Variants in DLGAP1 observed in about 807,000 individuals in gnomAD.
The protein encoded by DLGAP1 is disks large-associated protein 1.
DLGAP1 carries 11 observed loss-of-function variants against 90.8 expected under a neutral mutation model. That is an observed-to-expected ratio of 0.12 (90% CI 0.08 to 0.20). The LOEUF is 0.20. Ranked by LOEUF, DLGAP1 falls within the 10% of genes least tolerant of loss-of-function variation. The pLI, the probability that DLGAP1 is intolerant of heterozygous loss-of-function variation, is 1.00. For synonymous variants in DLGAP1, 558 were observed against 540.7 expected (o/e 1.03, Z -0.44); for missense variants, 1,050 against 1,333.8 (o/e 0.79, Z 3.31).
intron 4 of DLGAP1, among the ~76,000 whole-genome samples, chr18:3,866,883 C>T (rs1450562318): frequency 1.3e-5 from 2 of 152,160 alleles, no homozygotes; most frequent in African/African-American, 2.4e-5. Flanking sequence ...CAAAGTCTTG[C>T]TGTGTCACCC....
At chr18:4,180,075 C>T (rs778675731) in intron 1 of DLGAP1, among the ~76,000 whole-genome samples, 6 of 152,280 alleles carry the variant, frequency 3.9e-5, no homozygotes, top group Middle Eastern at 3.4e-3. Flanking sequence ...GGATCTCCCT[C>T]GTGATCTCCC....
chr18:4,038,383 G>A (rs1257560929), intron 2 of DLGAP1, among the ~76,000 whole-genome samples: 2 of 152,114 alleles, frequency 1.3e-5, no homozygotes, highest in Admixed American at 1.3e-4. Flanking sequence ...GTCTGGGGGG[G>A]TTAGGGATGA....
In DLGAP1 at chr18:4,297,115, G is replaced by C. The variant is rs550797765; in HGVS notation, c.-266-145828C>G. Among the ~76,000 whole-genome samples the C allele has an allele frequency of 3.9e-5, 6 of 152,240 alleles. No individual in the cohort carries two copies. The East Asian group carries it at 1.2e-3, about 29-fold the overall frequency. ...TTTTATAGTAGATGCTATAGAAAAT[G>C]GTGGATAAATTTTGTTTTTATCTTC... On this transcript the variant is annotated intron_variant, in intron 1 of 12. Transcript: ENST00000315677.
intron 1 of DLGAP1, among the ~76,000 whole-genome samples, chr18:4,303,511 C>T (rs2080176704): frequency 6.6e-6 from 1 of 152,122 alleles, no homozygotes; most frequent in Admixed American, 6.5e-5. Context: ...ATGCTAGTCC[C>T]CAAGAACAGC....
At chr18:4,214,642 C>T (rs2077914677) in intron 1 of DLGAP1, among the ~76,000 whole-genome samples, 1 of 152,136 alleles carries the variant, frequency 6.6e-6, no homozygotes, top group Admixed American at 6.6e-5. Context: ...GACATGAAAA[C>T]CAATATTAAA....
Position 4,192,739 on chromosome 18 carries a change from G to T in DLGAP1, c.-266-41452C>A, listed in dbSNP as rs1232270238. On this transcript the variant is annotated intron_variant, in intron 1 of 12. Transcript: ENST00000315677. ...AAATGTTCCCTAAGGTAGGGCAATG[G>T]AACCAAATGAGGCCAATGTGGATCT... Among the ~76,000 whole-genome samples, 9 of 152,304 alleles carry T rather than the reference G, an allele frequency of 5.9e-5. No individual in the cohort carries two copies. In the South Asian group the frequency reaches 1.7e-3, roughly 28 times the overall value.
At position 3,534,415 on chromosome 18, in the gene DLGAP1, G is replaced by T. The variant is rs1392812231; in HGVS notation, c.2258C>A (p.Ala753Asp). Residue 753 changes from alanine (A) to aspartate (D), a missense_variant, in exon 10 of 13, where the codon GCC becomes GAC. Physicochemically the swap from Ala to Asp is moderately radical, Grantham distance 126. Around this residue, in one of 2 missense-constraint regions of DLGAP1, gnomAD observed 565 missense variants for 879.7 expected, o/e 0.64. Coordinates refer to ENST00000315677, the MANE Select transcript of DLGAP1 (RefSeq NM_004746.4). ...AAAATCCGTGTCAAAGTCATCATCG[G>T]CGGCACAGGCATGGTAATGGTTTCC... is the stretch of plus-strand genomic sequence containing the variant. Reference protein sequence around the residue: ...GSGNHYHACAADDDFDTDFDP... With the variant: ...GSGNHYHACADDDDFDTDFDP... The T allele has an allele frequency of 1.9e-6, 3 of 1,614,048 alleles. No individual in the cohort carries two copies. The African/African-American group carries it at 4.0e-5, about 22-fold the overall frequency.
intron 5 of DLGAP1, among the ~76,000 whole-genome samples, chr18:3,805,750 TTGTC>T (rs1190277624): frequency 2.0e-5 from 3 of 152,236 alleles, no homozygotes; most frequent in African/African-American, 7.2e-5. Flanking sequence ...TATAGATATT[TTGTC>T]TGTCTTGCTC....
At chr18:4,087,610 TC>T (rs1191781095) in intron 2 of DLGAP1, among the ~76,000 whole-genome samples, 1 of 152,170 alleles carries the variant, frequency 6.6e-6, no homozygotes, top group East Asian at 1.9e-4. Flanking sequence ...ACCCCTGATT[TC>T]CCACTCCACA....
intron 1 of DLGAP1, among the ~76,000 whole-genome samples, chr18:4,414,789 G>T (rs946031827): frequency 5.3e-5 from 8 of 151,468 alleles, no homozygotes. Context: ...TCTCAGCAAA[G>T]TGAGAATAGG....
chr18:3,747,816 A>G (rs1158402259), intron 5 of DLGAP1, among the ~76,000 whole-genome samples: 1 of 152,234 alleles, frequency 6.6e-6, no homozygotes, highest in African/African-American at 2.4e-5. Flanking sequence ...CAATGCATAC[A>G]TTAATAACAC....
chr18:3,808,880 G>T (rs370457184), intron 5 of DLGAP1, among the ~76,000 whole-genome samples: 48 of 152,242 alleles, frequency 3.2e-4, no homozygotes, highest in African/African-American at 1.1e-3. Flanking sequence ...GGCTCCTCAC[G>T]TAGAAATCAA....
At position 4,342,688 on chromosome 18, in the gene DLGAP1, C is replaced by A. The variant is rs2081218885; in HGVS notation, c.-267+112318G>T. ...TAATACTACATTTGCCACAAATCTG[C>A]AGATGTATGTTGAAAGATTTGACAT... On this transcript the variant is annotated intron_variant, in intron 1 of 12. Transcript: ENST00000315677. The surrounding 1 kb of genome is among the most constrained non-coding windows in gnomAD (Gnocchi z 5.8). 6.6e-6 allele frequency among the ~76,000 whole-genome samples: 1 copy of A among 152,162 alleles called. No homozygotes were observed. The highest frequency in any genetic ancestry group is 2.1e-4 in the South Asian group (1 of 4,836).
At chr18:4,202,578 G>T (rs1274191600) in intron 1 of DLGAP1, among the ~76,000 whole-genome samples, 1 of 152,056 alleles carries the variant, frequency 6.6e-6, no homozygotes, top group African/African-American at 2.4e-5. Context: ...ACACATTATG[G>T]CAAGCCAGGA....
intron 3 of DLGAP1, among the ~76,000 whole-genome samples, chr18:3,964,460 T>C (rs764602314): frequency 2.0e-4 from 31 of 152,148 alleles, no homozygotes; most frequent in Non-Finnish European, 4.4e-5. Flanking sequence ...GTGTTTGAGA[T>C]GTTCCTGGAC....
intron 1 of DLGAP1, among the ~76,000 whole-genome samples, chr18:4,302,548 TG>T (rs2080152812): frequency 6.6e-6 from 1 of 152,184 alleles, no homozygotes; most frequent in Non-Finnish European, 1.5e-5. Context: ...TTTTTTGACA[TG>T]TACAACACAA....
At chr18:3,830,846 T>C (rs906768098) in intron 4 of DLGAP1, among the ~76,000 whole-genome samples, 1 of 152,212 alleles carries the variant, frequency 6.6e-6, no homozygotes, top group African/African-American at 2.4e-5. Context: ...CCAATATTCA[T>C]TCCTATAATT....
At chr18:4,411,155 C>G (rs970949848) in intron 1 of DLGAP1, among the ~76,000 whole-genome samples, 1 of 152,136 alleles carries the variant, frequency 6.6e-6, no homozygotes, top group South Asian at 2.1e-4. Context: ...CAAGAGGGCT[C>G]TCCAACAAAT....
chr18:4,234,190 A>C (rs1373257748), intron 1 of DLGAP1, among the ~76,000 whole-genome samples: 2 of 152,062 alleles, frequency 1.3e-5, no homozygotes, highest in Non-Finnish European at 1.5e-5. Flanking sequence ...AATGGTACCA[A>C]GAACATCTTG....
Sources: gnomAD v4.1 joint callset for allele counts (sites outside exome capture counted in the v4.1 genomes callset) on GRCh38, gnomAD v4.1.1 for gene constraint, gnomAD v4.1.1 regional missense constraint, Gnocchi (gnomAD v3.1) non-coding constraint, MANE v1.5 for transcripts, NCBI Gene and HGNC (gene_info 2026-07-23, HGNC 2026-07-21) for gene names.